Variants in EPHA6 observed in about 807,000 individuals in gnomAD.
EPHA6 encodes the protein ephrin type-A receptor 6.
EPHA6 carries 50 observed loss-of-function variants against 112.0 expected under a neutral mutation model. The ratio of observed to expected loss-of-function variants is 0.45; its 90% CI spans 0.36 to 0.56. The LOEUF is 0.56. Ranked by LOEUF, EPHA6 falls within the 20% of genes least tolerant of loss-of-function variation. The pLI is 0.00. For synonymous variants in EPHA6, 529 were observed against 490.7 expected, an observed-to-expected ratio of 1.08 and a Z score of -1.03; for missense variants, 1,280 against 1,417.4, an observed-to-expected ratio of 0.90 and a Z score of 1.56.
At chr3:96,947,967 C>A (rs1325701921) in intron 2 of EPHA6, among the ~76,000 whole-genome samples, 1 of 152,120 alleles carries the variant, frequency 6.6e-6, no homozygotes, top group Non-Finnish European at 1.5e-5. Flanking sequence ...AAGAACAAAG[C>A]TGGAGGCATC....
intron 15 of EPHA6, among the ~76,000 whole-genome samples, chr3:97,733,183 T>C (rs1016432809): frequency 3.3e-5 from 5 of 151,658 alleles, no homozygotes; most frequent in African/African-American, 1.2e-4. Flanking sequence ...TCTACAGGAG[T>C]TGTCTGAAGC....
At chr3:97,526,477 T>C (rs1183267381) in intron 10 of EPHA6, among the ~76,000 whole-genome samples, 1 of 1,706 alleles carries the variant, frequency 5.9e-4, no homozygotes, top group Admixed American at 8.2e-3. Context: ...CCTGACCCAG[T>C]GGCAGTGGGG....
chr3:97,560,677 A>G (rs1040914006), intron 11 of EPHA6: 1 of 152,102 alleles, frequency 6.6e-6, no homozygotes, highest in East Asian at 1.9e-4. Flanking sequence ...AACTGAGAAT[A>G]TAGCATCTAT....
chr3:96,879,405 T>G (rs745704162), intron 2 of EPHA6, among the ~76,000 whole-genome samples: 1 of 152,090 alleles, frequency 6.6e-6, no homozygotes, highest in East Asian at 1.9e-4. Context: ...CTAGAGAATT[T>G]GATCTCATAG....
chr3:97,271,811 T>C (rs570685124), intron 5 of EPHA6, among the ~76,000 whole-genome samples: 3 of 152,242 alleles, frequency 2.0e-5, no homozygotes, highest in Non-Finnish European at 4.4e-5. Context: ...CTTTTTATTT[T>C]TTATTGTATG....
At chr3:97,099,092 C>T (rs901651927) in intron 3 of EPHA6, among the ~76,000 whole-genome samples, 3 of 151,894 alleles carry the variant, frequency 2.0e-5, no homozygotes, top group Non-Finnish European at 2.9e-5. Flanking sequence ...CTGTTGATGA[C>T]TGGCTTGTTG....
intron 5 of EPHA6, among the ~76,000 whole-genome samples, chr3:97,381,132 A>C (rs1294673573): frequency 6.6e-6 from 1 of 152,156 alleles, no homozygotes; most frequent in Non-Finnish European, 1.5e-5. Context: ...GTTGGCTTAT[A>C]GTTGAAAAGA....
At chr3:97,705,585 A>T (rs1249454371) in intron 14 of EPHA6, among the ~76,000 whole-genome samples, 1 of 152,196 alleles carries the variant, frequency 6.6e-6, no homozygotes, top group Non-Finnish European at 1.5e-5. Flanking sequence ...GCCTCAGGGA[A>T]TTTATAATCT....
chr3:97,063,413 G>A (rs980670202), intron 3 of EPHA6, among the ~76,000 whole-genome samples: 5 of 152,270 alleles, frequency 3.3e-5, no homozygotes, highest in African/African-American at 1.2e-4. Context: ...AACATGGATG[G>A]AGCTGGAATC....
chr3:97,664,416 A>C (rs1369960576), intron 14 of EPHA6, among the ~76,000 whole-genome samples: 1 of 152,206 alleles, frequency 6.6e-6, no homozygotes, highest in East Asian at 1.9e-4. Flanking sequence ...GGTACAAGAC[A>C]GGGATGCCCT....
At chr3:97,445,630 G>A (rs1012495862) in intron 6 of EPHA6, among the ~76,000 whole-genome samples, 3 of 151,342 alleles carry the variant, frequency 2.0e-5, no homozygotes, top group Admixed American at 2.0e-4. Flanking sequence ...GAAGTTAGAA[G>A]ACAACATATC....
chr3:97,558,848 T>C lies in EPHA6; in HGVS notation c.2386+26305T>C, dbSNP rs975710988. Among the ~76,000 whole-genome samples, 4 of 152,116 alleles carry C rather than the reference T, an allele frequency of 2.6e-5. No homozygotes were observed. The East Asian group carries it at 7.7e-4, about 29-fold the overall frequency. ...TTAGAACATGAATGTCTTTGTTATA[T>C]TGAACATTTCTACACATACTAATGA... is the stretch of plus-strand genomic sequence containing the variant. On this transcript the variant is annotated intron_variant, in intron 11 of 17. Coordinates refer to ENST00000389672, the MANE Select transcript of EPHA6 (RefSeq NM_001080448.3).
chr3:97,330,134 G>A (rs1366682485), intron 5 of EPHA6, among the ~76,000 whole-genome samples: 8 of 151,662 alleles, frequency 5.3e-5, no homozygotes, highest in Non-Finnish European at 1.0e-4. Context: ...TTGTAGATAT[G>A]CAGCATTATT....
intron 7 of EPHA6, among the ~76,000 whole-genome samples, chr3:97,461,707 G>A (rs898007): frequency 1 from 151,569 of 152,294 alleles, 75,433 homozygotes; most frequent in Middle Eastern, 1. Context: ...ATTTACTATA[G>A]GGATAGTTAG....
At chr3:97,174,662 C>G (rs1010934243) in intron 3 of EPHA6, among the ~76,000 whole-genome samples, 2 of 151,746 alleles carry the variant, frequency 1.3e-5, no homozygotes, top group African/African-American at 4.8e-5. Flanking sequence ...TATTGAGCAC[C>G]AGTGTCTATA....
intron 14 of EPHA6, among the ~76,000 whole-genome samples, chr3:97,708,739 A>G (rs1459416985): frequency 6.6e-6 from 1 of 152,218 alleles, no homozygotes; most frequent in Non-Finnish European, 1.5e-5. Context: ...CCAGGGCCCC[A>G]CTGCTCTGTA....
intron 16 of EPHA6, among the ~76,000 whole-genome samples, chr3:97,736,374 A>C (rs2035252490): frequency 6.6e-6 from 1 of 150,990 alleles, no homozygotes; most frequent in African/African-American, 2.4e-5. Context: ...CTTTGTTTTT[A>C]TCTTTTCCTG....
chr3:97,001,600 C>T (rs530428680), intron 3 of EPHA6, among the ~76,000 whole-genome samples: 2 of 151,972 alleles, frequency 1.3e-5, no homozygotes, highest in African/African-American at 2.4e-5. Flanking sequence ...GGTAAGTTAT[C>T]GTTTTCAATC....
At chr3:97,299,926 A>G (rs1576881554) in intron 5 of EPHA6, among the ~76,000 whole-genome samples, 3 of 152,164 alleles carry the variant, frequency 2.0e-5, no homozygotes, top group African/African-American at 4.8e-5. Flanking sequence ...ACTGAATAAT[A>G]GATTGCATAC....
Sources: allele counts gnomAD v4.1 joint callset (sites outside exome capture counted in the v4.1 genomes callset), GRCh38; gene constraint gnomAD v4.1.1; transcripts MANE v1.5; gene names NCBI Gene and HGNC (gene_info 2026-07-23, HGNC 2026-07-21).